ZNF486: variants seen among roughly 807,000 people sequenced by gnomAD.
The protein encoded by ZNF486 is zinc finger protein 486.
Under a neutral mutation model 12.8 loss-of-function variants are expected in ZNF486, and 12 were observed. The observed-to-expected ratio is 0.94, with a 90% CI of 0.60 to 1.52. The LOEUF (loss-of-function observed/expected upper bound fraction) is 1.52, where lower values mean the gene tolerates loss of function less well. Among genes scored for constraint, ZNF486 ranks in the 40% most tolerant of loss-of-function variants. ZNF486 has a pLI of 0.00. For synonymous variants in ZNF486, 231 were observed against 184.9 expected, an observed-to-expected ratio of 1.25 and a Z score of -2.02; for missense variants, 738 against 545.0, an observed-to-expected ratio of 1.35 and a Z score of -3.53.
chr19:20,197,880 T>C lies in ZNF486; in HGVS notation c.1170T>C (p.Ser390=), dbSNP rs2089976734. The change falls in exon 4 of 4, where the codon TCT becomes TCC. Residue 390 remains serine (S), a synonymous_variant. Coordinates refer to ENST00000335117, the MANE Select transcript of ZNF486 (RefSeq NM_052852.4). ...CEECGKAFTW[S]AGLHKHRRTH... ...AATGTGGCAAAGCCTTTACATGGTC[T>C]GCAGGCCTCCATAAACATAGGAGAA... 1 of 1,612,292 alleles carries C rather than the reference T, an allele frequency of 6.2e-7. No individual in the cohort carries two copies. The highest frequency in any genetic ancestry group is 1.1e-5 in the South Asian group (1 of 90,960).
At chr19:20,182,760 G>A (rs1445610220) in intron 1 of ZNF486, among the ~76,000 whole-genome samples, 1 of 152,110 alleles carries the variant, frequency 6.6e-6, no homozygotes, top group Non-Finnish European at 1.5e-5. Flanking sequence ...AGAAATAGGT[G>A]GGCTTTTTCT....
chr19:20,195,721 T>A (rs77674098), intron 3 of ZNF486, among the ~76,000 whole-genome samples: 2 of 152,148 alleles, frequency 1.3e-5, no homozygotes, highest in Admixed American at 6.5e-5. Flanking sequence ...AGGATGAGTC[T>A]TGTCTAAAAT....
rs532663338 is a variant in ZNF486, at chr19:20,173,666, A to G, written c.30+6306A>G. On this transcript the variant is annotated intron_variant, in intron 1 of 3. Transcript: ENST00000335117. ...TAACATAGTGATACCCATCTCTACT[A>G]AAAATACAAAAAAAAATTAGTCAGG... Among the ~76,000 whole-genome samples, 6 of 152,130 alleles carry G rather than the reference A, an allele frequency of 3.9e-5. No homozygotes were observed. In the South Asian group the frequency reaches 1.2e-3, roughly 32 times the overall value.
chr19:20,189,151 T>G (rs2089878604), intron 3 of ZNF486, among the ~76,000 whole-genome samples: 1 of 152,198 alleles, frequency 6.6e-6, no homozygotes, highest in African/African-American at 2.4e-5. Flanking sequence ...ATCAGCTCAC[T>G]GAAACCTCTG....
At chr19:20,177,849 T>A (rs1350830442) in intron 1 of ZNF486, among the ~76,000 whole-genome samples, 2 of 151,788 alleles carry the variant, frequency 1.3e-5, no homozygotes, top group Non-Finnish European at 2.9e-5. Context: ...GTGCTGGGAT[T>A]ACAGGCACGA....
chr19:20,188,523 A>G (rs2089872115), intron 3 of ZNF486: 2 of 398,348 alleles, frequency 5.0e-6, no homozygotes, highest in East Asian at 7.1e-5. Flanking sequence ...TCTTTATAAA[A>G]ATAATTTAAT....
intron 3 of ZNF486, among the ~76,000 whole-genome samples, chr19:20,190,289 A>G (rs2089889789): frequency 6.6e-6 from 1 of 152,234 alleles, no homozygotes; most frequent in South Asian, 2.1e-4. Flanking sequence ...TTATATTCAC[A>G]TATTTTTGAA....
chr19:20,185,236 T>A (rs187913517), intron 2 of ZNF486, among the ~76,000 whole-genome samples: 1 of 152,242 alleles, frequency 6.6e-6, no homozygotes, highest in East Asian at 1.9e-4. Context: ...AGTAATTTTT[T>A]AAAGAAATTT....
At chr19:20,173,600 G>A (rs1485294317) in intron 1 of ZNF486, among the ~76,000 whole-genome samples, 2 of 152,146 alleles carry the variant, frequency 1.3e-5, no homozygotes, top group African/African-American at 2.4e-5. Context: ...GGAGGCTGAG[G>A]TGGGTGGATC....
intron 3 of ZNF486, among the ~76,000 whole-genome samples, chr19:20,194,675 C>G (rs939343364): frequency 6.6e-6 from 1 of 151,978 alleles, no homozygotes; most frequent in South Asian, 2.1e-4. Flanking sequence ...TTGCAGTGAG[C>G]CAAGATTGCA....
At position 20,167,317 on chromosome 19, in the gene ZNF486, G is replaced by A. The variant is rs1555713147; in HGVS notation, c.-14G>A. The stretch of plus-strand genomic sequence containing the variant: ...GCCCTGTGTCCTGTAGGTATTGGGA[G>A]ATCCACAGCCAAGATGCCGGGACCC... On this transcript the variant is annotated 5_prime_UTR_variant, in exon 1 of 4. Transcript: ENST00000335117. 1 of 1,614,054 alleles carries A rather than the reference G, an allele frequency of 6.2e-7. No individual in the cohort carries two copies. Among genetic ancestry groups the A allele is most frequent in the South Asian group, 1.1e-5 (1 of 91,070 alleles).
At chr19:20,184,324 G>A (rs1017374917) in intron 1 of ZNF486, 32 bp from the exon 2 acceptor site, 7 of 1,608,512 alleles carry the variant, frequency 4.4e-6, no homozygotes, top group Non-Finnish European at 5.9e-6. Flanking sequence ...ACGGCGACTT[G>A]GTGAAAATGT....
intron 1 of ZNF486, among the ~76,000 whole-genome samples, chr19:20,180,191 G>A (rs1331783758): frequency 6.6e-6 from 1 of 152,200 alleles, no homozygotes; most frequent in Non-Finnish European, 1.5e-5. Context: ...TTCTGCTTCT[G>A]TCTCAGTGTA....
chr19:20,194,713 A>G (rs2089940881), intron 3 of ZNF486, among the ~76,000 whole-genome samples: 1 of 152,052 alleles, frequency 6.6e-6, no homozygotes, highest in South Asian at 2.1e-4. Context: ...GTGCAACAAG[A>G]TTGAAACTCT....
chr19:20,184,653 A>G (rs139878744), intron 2 of ZNF486, among the ~76,000 whole-genome samples, 171 bp downstream of exon 2: 1 of 152,216 alleles, frequency 6.6e-6, no homozygotes, highest in Non-Finnish European at 1.5e-5. Context: ...AAGATGTTTC[A>G]TCTTAATCCA....
Position 20,197,201 on chromosome 19 carries a change from A to G in ZNF486, c.491A>G (p.His164Arg). 1 of 1,613,152 alleles carries G rather than the reference A, an allele frequency of 6.2e-7. No individual in the cohort carries two copies. The highest frequency in any genetic ancestry group is 1.7e-5 in the Admixed American group (1 of 59,814). The change falls in exon 4 of 4, where the codon CAT becomes CGT. Residue 164 changes from histidine to arginine, a missense_variant. Coordinates refer to ENST00000335117, the MANE Select transcript of ZNF486 (RefSeq NM_052852.4). ...TGTGGTAAATATGTGAAAGTCTTTCATCAATTTTCAAATTCAAAGAGACAT... is the reference window on the plus strand; with the variant it reads ...TGTGGTAAATATGTGAAAGTCTTTCGTCAATTTTCAAATTCAAAGAGACAT... ...FQCGKYVKVFHQFSNSKRHKR... is the reference protein window; with the variant it reads ...FQCGKYVKVFRQFSNSKRHKR...
rs1599710091 is a variant in ZNF486 at position 20,186,378 on chromosome 19, T to G, written c.253+296T>G. ...ATAAGTGATTGCACAATCTGGCTGC[T>G]TTTCCGTTGCCTTGGGGACACACAA... On this transcript the variant is annotated intron_variant, in intron 3 of 3. Transcript: ENST00000335117. 2.0e-5 allele frequency among the ~76,000 whole-genome samples: 3 copies of G among 152,320 alleles called. No homozygotes were observed. In the East Asian group the frequency reaches 5.8e-4, roughly 29 times the overall value.
At chr19:20,176,123 A>C in intron 1 of ZNF486, 1 of 184,534 alleles carries the variant, frequency 5.4e-6, no homozygotes, top group Non-Finnish European at 1.1e-5. Context: ...GCGGCCAGGC[A>C]GAGACGCTCC....
chr19:20,197,398 A>G lies in ZNF486; in HGVS notation c.688A>G (p.Ile230Val). The change falls in exon 4 of 4, where the codon ATA becomes GTA. Residue 230 changes from isoleucine (I) to valine (V), a missense_variant. By Grantham distance (29) the Ile-to-Val change is conservative (BLOSUM62 3). Transcript: ENST00000335117. The part of the protein sequence containing the change: ...NRSSHLTTHK[I>V]THTREKPYKC... ...GTCCTCACACCTTACTACACATAAGATAACTCATACTAGAGAGAAACCCTA... is the reference window on the plus strand; with the variant it reads ...GTCCTCACACCTTACTACACATAAGGTAACTCATACTAGAGAGAAACCCTA... 1 of 1,613,470 alleles carries G rather than the reference A, an allele frequency of 6.2e-7. No homozygotes were observed. The highest frequency in any genetic ancestry group is 1.3e-5 in the African/African-American group (1 of 75,036).
Sources: allele counts gnomAD v4.1 joint callset (sites outside exome capture counted in the v4.1 genomes callset), GRCh38; gene constraint gnomAD v4.1.1; transcripts MANE v1.5; gene names NCBI Gene and HGNC (gene_info 2026-07-23, HGNC 2026-07-21).